The following MID1 variants were observed in gnomAD, a reference collection of about 807,000 sequenced individuals.
MID1 encodes the protein E3 ubiquitin-protein ligase Midline-1.
A neutral mutation model predicts 40.4 loss-of-function variants in MID1; 7 were observed. The observed-to-expected ratio is 0.17, with a 90% CI of 0.10 to 0.33. The LOEUF (loss-of-function observed/expected upper bound fraction) is 0.33, where lower values mean the gene tolerates loss of function less well. Among genes scored for constraint, MID1 ranks in the 10% least tolerant of loss-of-function variants. MID1 has a pLI of 1.00. For synonymous variants in MID1, 229 were observed against 221.2 expected, an observed-to-expected ratio of 1.04 and a Z score of -0.31; for missense variants, 367 against 558.5, an observed-to-expected ratio of 0.66 and a Z score of 3.46.
intron 1 of MID1, among the ~76,000 whole-genome samples, chrX:10,683,201 A>C: frequency 8.9e-6 from 1 of 111,785 alleles, no homozygotes. Flanking sequence ...CTGATTCTCT[A>C]GAAATAAAAA....
At chrX:10,525,411 G>A (rs1932811476) in intron 2 of MID1, among the ~76,000 whole-genome samples, 1 of 111,753 alleles carries the variant, frequency 8.9e-6, no homozygotes, top group Non-Finnish European at 1.9e-5. Flanking sequence ...ACAAAAACAC[G>A]ATTCTCTTCT....
chrX:10,787,008 A>G (rs910933454), intron 1 of MID1, among the ~76,000 whole-genome samples: 5 of 111,501 alleles, frequency 4.5e-5, no homozygotes, highest in African/African-American at 1.6e-4. Context: ...GTGTAATTCA[A>G]CAAGCTCCCA....
At chrX:10,628,695 C>T (rs1569132396) in intron 1 of MID1, among the ~76,000 whole-genome samples, 1 of 111,795 alleles carries the variant, frequency 8.9e-6, no homozygotes. Flanking sequence ...CCAGCTGATA[C>T]ACCACACACT....
chrX:10,613,439 G>A (rs749622037), intron 1 of MID1, among the ~76,000 whole-genome samples: 25 of 108,638 alleles, frequency 2.3e-4, no homozygotes, highest in East Asian at 5.8e-4. Flanking sequence ...TCTCAGACAC[G>A]CTATCTCAGT....
intron 1 of MID1, among the ~76,000 whole-genome samples, chrX:10,772,420 G>A (rs2043776826): frequency 1.8e-5 from 2 of 109,925 alleles, no homozygotes; most frequent in African/African-American, 6.6e-5. Flanking sequence ...GGAAAGGGTG[G>A]GAAGGGGGTG....
chrX:10,636,784 GGATATATATA>G (rs1936117091), intron 1 of MID1, among the ~76,000 whole-genome samples: 1 of 12,157 alleles, frequency 8.2e-5, no homozygotes, highest in African/African-American at 4.3e-4. Context: ...CCAACAATGG[GGATATATATA>G]TATATATATA....
intron 1 of MID1, among the ~76,000 whole-genome samples, chrX:10,683,770 CTTTTTT>C (rs34917176): frequency 6.0e-4 from 27 of 45,090 alleles, no homozygotes; most frequent in African/African-American, 2.9e-3. Context: ...TGCACGTCAT[CTTTTTT>C]TTTTTTTTTT....
chrX:10,774,307 A>G (rs2043788624), intron 1 of MID1, among the ~76,000 whole-genome samples: 1 of 110,588 alleles, frequency 9.0e-6, no homozygotes, highest in Non-Finnish European at 1.9e-5. Flanking sequence ...GCCAGAAAAA[A>G]ATTTTCAGCC....
chrX:10,575,688 G>GAACT (rs747428536), intron 1 of MID1, among the ~76,000 whole-genome samples: 1 of 111,144 alleles, frequency 9.0e-6, no homozygotes, highest in South Asian at 3.9e-4. Flanking sequence ...ACAGGGCCAT[G>GAACT]AACTGATGGA....
chrX:10,571,460 T>C (rs1351904002), intron 1 of MID1, among the ~76,000 whole-genome samples: 1 of 111,488 alleles, frequency 9.0e-6, no homozygotes, highest in Non-Finnish European at 1.9e-5. Context: ...TTAAAATATC[T>C]TTTTGGAGAA....
chrX:10,480,611 G>A (rs1282471984), intron 5 of MID1, among the ~76,000 whole-genome samples: 5 of 111,787 alleles, frequency 4.5e-5, no homozygotes, highest in Non-Finnish European at 1.9e-5. Context: ...ACTTTAGGGT[G>A]AATATTGAGC....
At chrX:10,687,461 G>T (rs1244992347) in intron 1 of MID1, among the ~76,000 whole-genome samples, 2 of 111,824 alleles carry the variant, frequency 1.8e-5, no homozygotes, top group Non-Finnish European at 3.8e-5. Flanking sequence ...ACCTTCTTTT[G>T]TTCAATTCAG....
intron 1 of MID1, among the ~76,000 whole-genome samples, chrX:10,740,127 A>AT (rs373774328): frequency 1.8e-5 from 2 of 111,341 alleles, no homozygotes; most frequent in Non-Finnish European, 3.8e-5. Flanking sequence ...GCACCATCAC[A>AT]TTTTTTTTTC....
chrX:10,709,358 T>C (rs188444328), intron 1 of MID1, among the ~76,000 whole-genome samples: 72 of 112,410 alleles, frequency 6.4e-4, no homozygotes, highest in African/African-American at 2.2e-3. Context: ...GCTGATGGTA[T>C]CTTTCCTTTT....
At chrX:10,575,382 G>A (rs1420070307) in intron 1 of MID1, among the ~76,000 whole-genome samples, 6 of 111,956 alleles carry the variant, frequency 5.4e-5, no homozygotes, top group Middle Eastern at 4.3e-3. Flanking sequence ...AGATTGCAAC[G>A]GGGACCCAAC....
chrX:10,614,888 AGATT>A (rs1411402514), intron 1 of MID1, among the ~76,000 whole-genome samples: 1 of 112,539 alleles, frequency 8.9e-6, no homozygotes, highest in Non-Finnish European at 1.9e-5. Flanking sequence ...CACATTAATC[AGATT>A]GATTATTTTT....
chrX:10,450,914 A>G (rs1928290704), intron 9 of MID1, among the ~76,000 whole-genome samples: 1 of 112,238 alleles, frequency 8.9e-6, no homozygotes, highest in African/African-American at 3.2e-5. Context: ...TTAATATGTT[A>G]TAGCAGAAAC....
At chrX:10,711,514 A>G (rs1040890560) in intron 1 of MID1, among the ~76,000 whole-genome samples, 3 of 112,524 alleles carry the variant, frequency 2.7e-5, no homozygotes, top group Admixed American at 9.4e-5. Flanking sequence ...GATCCCATAT[A>G]CAATAGGAAC....
intron 1 of MID1, among the ~76,000 whole-genome samples, chrX:10,581,463 A>G (rs1935018021): frequency 9.0e-6 from 1 of 111,060 alleles, no homozygotes; most frequent in Non-Finnish European, 1.9e-5. Flanking sequence ...GGGTCCTTTG[A>G]GGATTAGTGA....
Sources: gnomAD v4.1 joint callset for allele counts (sites outside exome capture counted in the v4.1 genomes callset) on GRCh38, gnomAD v4.1.1 for gene constraint, MANE v1.5 for transcripts, NCBI Gene and HGNC (gene_info 2026-07-23, HGNC 2026-07-21) for gene names.